KIAA0753: variants seen among roughly 807,000 people sequenced by gnomAD.
The protein encoded by KIAA0753 is protein moonraker.
A neutral mutation model predicts 116.9 loss-of-function variants in KIAA0753; 114 were observed. The observed-to-expected ratio is 0.98, with a 90% CI of 0.84 to 1.14. KIAA0753 has a LOEUF of 1.14. KIAA0753 is among the 50% of genes most tolerant of loss of function. The probability of loss-of-function intolerance (pLI) is 0.00; values close to 1 mark genes in which losing one functional copy is unlikely to be tolerated. For missense variants in KIAA0753, 1,156 were observed against 1,172.4 expected (o/e 0.99, Z 0.20); for synonymous variants, 405 against 413.1 (o/e 0.98, Z 0.24).
At chr17:6,607,419 C>T (rs546490864) in intron 10 of KIAA0753, 149 bp from the exon 11 acceptor site, 4 of 619,872 alleles carry the variant, frequency 6.5e-6, no homozygotes, top group African/African-American at 5.5e-5. Context: ...ATAATCTCTC[C>T]GTACCCCTAA....
At position 6,599,322 on chromosome 17, in the gene KIAA0753, T is replaced by C. The variant is rs1434398340; in HGVS notation, c.2089-2A>G. 3 of 1,596,144 alleles carry C rather than the reference T, an allele frequency of 1.9e-6. No individual in the cohort carries two copies. Among genetic ancestry groups the C allele is most frequent in the East Asian group, 2.2e-5 (1 of 44,790 alleles). ...TGCTTCTGTAGTAGAATTGACTCTC[T>C]ATTAAAACAGACAAATACATTCATG... On this transcript the variant is annotated splice_acceptor_variant, in intron 13 of 18. Coordinates refer to ENST00000361413, the MANE Select transcript of KIAA0753 (RefSeq NM_014804.3). LOFTEE classifies it high-confidence loss of function.
intron 12 of KIAA0753, among the ~76,000 whole-genome samples, chr17:6,601,377 G>A (rs1049898311): frequency 1.3e-5 from 2 of 152,102 alleles, no homozygotes; most frequent in Non-Finnish European, 2.9e-5. Context: ...AAGAGGCAGC[G>A]GTCACGTATG....
At chr17:6,595,938 A>G (rs1287879655) in intron 15 of KIAA0753, among the ~76,000 whole-genome samples, 1 of 152,226 alleles carries the variant, frequency 6.6e-6, no homozygotes, top group Non-Finnish European at 1.5e-5. Context: ...CATGGCAAGC[A>G]GTGCGCTGAA....
chr17:6,590,750 G>T (rs1968936550), intron 16 of KIAA0753, 120 bp from the exon 17 acceptor site: 2 of 1,028,076 alleles, frequency 1.9e-6, no homozygotes, highest in Non-Finnish European at 2.9e-6. Flanking sequence ...AGCACGACAG[G>T]GTTGGCTAGC....
intron 12 of KIAA0753, among the ~76,000 whole-genome samples, chr17:6,601,585 T>A (rs1334973591): frequency 6.6e-6 from 1 of 152,178 alleles, no homozygotes; most frequent in African/African-American, 2.4e-5. Flanking sequence ...TCAGATGGTG[T>A]TGGAATAGCC....
chr17:6,636,501 C>T (rs2040849), intron 1 of KIAA0753: 54,299 of 152,082 alleles, frequency 0.36, 10,373 homozygotes, highest in Non-Finnish European at 0.43. Flanking sequence ...AGTGATGCTA[C>T]ACACACACAT....
chr17:6,583,626 A>G (rs1275788572), intron 18 of KIAA0753, among the ~76,000 whole-genome samples: 2 of 151,754 alleles, frequency 1.3e-5, no homozygotes, highest in Non-Finnish European at 2.9e-5. Context: ...GTTGTGTCTA[A>G]TTTGCTATTG....
intron 8 of KIAA0753, 134 bp downstream of exon 8, chr17:6,611,785 A>G (rs1970563278): frequency 2.0e-5 from 14 of 694,914 alleles, no homozygotes; most frequent in Middle Eastern, 5.1e-4. Flanking sequence ...AAATATATAA[A>G]CAACTTAAAT....
intron 8 of KIAA0753, among the ~76,000 whole-genome samples, chr17:6,610,452 CTAAT>C (rs1353262344): frequency 6.7e-6 from 1 of 149,128 alleles, no homozygotes; most frequent in Non-Finnish European, 1.5e-5. Flanking sequence ...AATTTGTTTC[CTAAT>C]TAAACAAAAA....
chr17:6,623,777 C>T (rs1971482292), intron 4 of KIAA0753: 1 of 524,104 alleles, frequency 1.9e-6, no homozygotes, highest in East Asian at 4.1e-5. Flanking sequence ...CAGTGTTCAC[C>T]TTCCATCCCT....
intron 16 of KIAA0753, 42 bp from the exon 17 acceptor site, chr17:6,590,672 G>C: frequency 1.9e-6 from 3 of 1,609,378 alleles, no homozygotes; most frequent in Non-Finnish European, 1.7e-6. Context: ...ATAAAGAACA[G>C]TTGGTGTCCA....
chr17:6,603,629 G>T (rs1275077749), intron 12 of KIAA0753, among the ~76,000 whole-genome samples: 1 of 152,156 alleles, frequency 6.6e-6, no homozygotes, highest in Non-Finnish European at 1.5e-5. Context: ...ACATCACCTA[G>T]GGACACTGGG....
intron 16 of KIAA0753, among the ~76,000 whole-genome samples, chr17:6,592,086 T>G (rs549374921): frequency 7.2e-4 from 109 of 152,334 alleles, no homozygotes; most frequent in African/African-American, 1.4e-3. Flanking sequence ...GAGCCTGGCC[T>G]TGAAGAACAG....
chr17:6,625,324 G>C (rs532017712), intron 3 of KIAA0753, among the ~76,000 whole-genome samples: 6 of 152,236 alleles, frequency 3.9e-5, no homozygotes, highest in Admixed American at 3.9e-4. Context: ...ACTTAACATG[G>C]TCTTTAGTCT....
At chr17:6,580,521 T>C (rs1968077345) in intron 18 of KIAA0753, among the ~76,000 whole-genome samples, 1 of 152,050 alleles carries the variant, frequency 6.6e-6, no homozygotes, top group African/African-American at 2.4e-5. Flanking sequence ...TTTCACCATG[T>C]TAGCCAGGAT....
chr17:6,579,942 G>C, intron 18 of KIAA0753, 78 bp from the exon 19 acceptor site: 2 of 1,049,950 alleles, frequency 1.9e-6, no homozygotes, highest in Non-Finnish European at 2.9e-6. Flanking sequence ...CAGCACTTTG[G>C]GAGGCCAAGA....
At chr17:6,597,700 C>A (rs1404046232) in intron 14 of KIAA0753, among the ~76,000 whole-genome samples, 1 of 152,118 alleles carries the variant, frequency 6.6e-6, no homozygotes, top group Non-Finnish European at 1.5e-5. Context: ...TATAATGGTA[C>A]CTTTACAAGA....
At chr17:6,589,635 T>A in intron 18 of KIAA0753, 144 bp downstream of exon 18, 1 of 580,856 alleles carries the variant, frequency 1.7e-6, no homozygotes, top group Non-Finnish European at 2.9e-6. Flanking sequence ...AGAGAGCCTG[T>A]CTCCTAGCCC....
intron 5 of KIAA0753, among the ~76,000 whole-genome samples, 163 bp from the exon 6 acceptor site, chr17:6,623,260 A>T (rs1489420513): frequency 6.6e-6 from 1 of 152,230 alleles, no homozygotes; most frequent in Non-Finnish European, 1.5e-5. Context: ...AAAGTTTTCT[A>T]GTGGCAGTCT....
Sources: allele counts gnomAD v4.1 joint callset (sites outside exome capture counted in the v4.1 genomes callset), GRCh38; gene constraint gnomAD v4.1.1; transcripts MANE v1.5; gene names NCBI Gene and HGNC (gene_info 2026-07-23, HGNC 2026-07-21).